UBE2D2: variants seen among roughly 807,000 people sequenced by gnomAD.
UBE2D2 encodes ubiquitin conjugating enzyme E2 D2, also known as ubiquitin-conjugating enzyme E2 D2.
Under a neutral mutation model 24.2 loss-of-function variants are expected in UBE2D2, and 2 were observed. The observed-to-expected ratio is 0.08, with a 90% CI of 0.03 to 0.26. The LOEUF is 0.26. UBE2D2 is among the 10% of genes least tolerant of loss of function. The probability of loss-of-function intolerance (pLI) is 1.00; values close to 1 mark genes in which losing one functional copy is unlikely to be tolerated. For synonymous variants in UBE2D2, 58 were observed against 56.5 expected (o/e 1.03, Z -0.12); for missense variants, 44 against 177.6 (o/e 0.25, Z 4.28).
chr5:139,619,273 A>G (rs1213810565), intron 5 of UBE2D2, among the ~76,000 whole-genome samples: 1 of 151,900 alleles, frequency 6.6e-6, no homozygotes, highest in Non-Finnish European at 1.5e-5. Flanking sequence ...GTGTGTGTCT[A>G]TAGTCCCAAC....
At chr5:139,606,630 C>G (rs888112577) in intron 2 of UBE2D2, among the ~76,000 whole-genome samples, 9 of 152,098 alleles carry the variant, frequency 5.9e-5, no homozygotes, top group Non-Finnish European at 1.3e-4. Context: ...TTGTTTTTTA[C>G]TATCAAAACT....
At chr5:139,580,344 C>T (rs1325710024) in intron 1 of UBE2D2, among the ~76,000 whole-genome samples, 4 of 152,100 alleles carry the variant, frequency 2.6e-5, no homozygotes, top group Non-Finnish European at 5.9e-5. Context: ...AGATTACAGT[C>T]GTGAGTCACC....
intron 1 of UBE2D2, among the ~76,000 whole-genome samples, chr5:139,597,902 CTTTA>C (rs1295747266): frequency 3.3e-5 from 5 of 152,050 alleles, no homozygotes; most frequent in East Asian, 1.9e-4. Flanking sequence ...TTTATTCAAA[CTTTA>C]TTTCTTTTTT....
chr5:139,561,996 C>G (rs1016936145), intron 1 of UBE2D2, 181 bp downstream of exon 1: 6 of 964,744 alleles, frequency 6.2e-6, no homozygotes, highest in Middle Eastern at 3.3e-4. Context: ...GGCGCGCAGC[C>G]CGCGCTTAGG....
chr5:139,626,378 G>C (rs759052432), intron 6 of UBE2D2, among the ~76,000 whole-genome samples: 6 of 152,108 alleles, frequency 3.9e-5, no homozygotes, highest in Non-Finnish European at 8.8e-5. Context: ...CCTTCTGTCG[G>C]TTTAATCATT....
chr5:139,625,610 A>AT (rs113144360), intron 6 of UBE2D2, among the ~76,000 whole-genome samples: 9,534 of 141,430 alleles, frequency 0.067, 351 homozygotes, highest in South Asian at 0.11. Flanking sequence ...CATCCAGCTA[A>AT]TTTTTTTTTT....
intron 1 of UBE2D2, among the ~76,000 whole-genome samples, chr5:139,580,296 C>T (rs761017253): frequency 6.6e-6 from 1 of 151,978 alleles, no homozygotes; most frequent in African/African-American, 2.4e-5. Context: ...AACTCCCGGG[C>T]TCAAGTGTTA....
rs376318192 is a variant in UBE2D2, at chr5:139,585,195, C to T, written c.25-15177C>T. Among the ~76,000 whole-genome samples the T allele has an allele frequency of 8.6e-5, 13 of 150,598 alleles. No homozygotes were observed. The East Asian group carries it at 1.4e-3, about 16-fold the overall frequency. ...GATTACAGGTGTGAGCCACGGTGCC[C>T]GGCTGCGTGCAGGTCTTTTTTTTTT... is the stretch of plus-strand genomic sequence containing the variant. On this transcript the variant is annotated intron_variant, in intron 1 of 6. Coordinates refer to ENST00000398733, the MANE Select transcript of UBE2D2 (RefSeq NM_003339.3).
At chr5:139,538,791 T>G (rs1301616743) in intron 1 of UBE2D2, among the ~76,000 whole-genome samples, 2 of 151,876 alleles carry the variant, frequency 1.3e-5, no homozygotes, top group Non-Finnish European at 2.9e-5. Context: ...GAGAATCATT[T>G]GAACCCAGGA....
chr5:139,537,302 G>A (rs1752696412), intron 1 of UBE2D2, among the ~76,000 whole-genome samples: 1 of 151,920 alleles, frequency 6.6e-6, no homozygotes, highest in African/African-American at 2.4e-5. Context: ...GAAGCGGAAT[G>A]TAAACAGGGT....
intron 2 of UBE2D2, among the ~76,000 whole-genome samples, chr5:139,611,203 T>TTTTG (rs1754312167): frequency 1.0e-5 from 1 of 99,388 alleles, no homozygotes; most frequent in African/African-American, 3.7e-5. Flanking sequence ...TTTTTTTTTT[T>TTTTG]GAGATGGAGT....
At chr5:139,549,228 G>C (rs1312431973) in intron 1 of UBE2D2, among the ~76,000 whole-genome samples, 2 of 152,280 alleles carry the variant, frequency 1.3e-5, no homozygotes, top group East Asian at 3.9e-4. Context: ...CTCGGCCTCG[G>C]CGTCCACTCT....
chr5:139,579,584 C>T (rs1753550613), intron 1 of UBE2D2, among the ~76,000 whole-genome samples: 1 of 152,134 alleles, frequency 6.6e-6, no homozygotes, highest in Non-Finnish European at 1.5e-5. Flanking sequence ...ACAACTGTGT[C>T]CAGCCTCAGC....
chr5:139,620,820 G>A (rs1754499913), intron 5 of UBE2D2, among the ~76,000 whole-genome samples: 2 of 152,226 alleles, frequency 1.3e-5, no homozygotes, highest in South Asian at 4.1e-4. Flanking sequence ...ACCTATTAGA[G>A]AAAAGAAAGA....
chr5:139,568,066 G>A (rs1382536521), intron 1 of UBE2D2, among the ~76,000 whole-genome samples: 3 of 152,192 alleles, frequency 2.0e-5, no homozygotes, highest in Non-Finnish European at 4.4e-5. Flanking sequence ...CTTAGGCTGG[G>A]TGCGGTGGCT....
intron 1 of UBE2D2, among the ~76,000 whole-genome samples, chr5:139,585,259 T>C (rs1310508863): frequency 6.6e-6 from 1 of 150,406 alleles, no homozygotes; most frequent in Non-Finnish European, 1.5e-5. Context: ...CCCAAGATGG[T>C]TGGAGTACAG....
chr5:139,600,449 A>G lies in UBE2D2; in HGVS notation c.88+14A>G. On this transcript the variant is annotated intron_variant, in intron 2 of 6. Coordinates refer to ENST00000398733, the MANE Select transcript of UBE2D2 (RefSeq NM_003339.3). ...TTGGAGATGATAGTAAGTATTTAAA[A>G]GGAATAATGGAGTAATAGCATAACA... The G allele has an allele frequency of 6.2e-7, 1 of 1,613,454 alleles. No homozygotes were observed. The highest frequency in any genetic ancestry group is 8.5e-7 in the Non-Finnish European group (1 of 1,179,516).
At chr5:139,565,223 T>A (rs1297454503) in intron 1 of UBE2D2, among the ~76,000 whole-genome samples, 1 of 152,258 alleles carries the variant, frequency 6.6e-6, no homozygotes, top group African/African-American at 2.4e-5. Flanking sequence ...CTTGTTTCTT[T>A]GACAGAGGGA....
At chr5:139,613,614 C>G (rs1401794197) in intron 2 of UBE2D2, among the ~76,000 whole-genome samples, 1 of 151,732 alleles carries the variant, frequency 6.6e-6, no homozygotes, top group Non-Finnish European at 1.5e-5. Context: ...CTCTTTTTTC[C>G]TCTTTAACTT....
Sources: gnomAD v4.1 joint callset for allele counts (sites outside exome capture counted in the v4.1 genomes callset) on GRCh38, gnomAD v4.1.1 for gene constraint, MANE v1.5 for transcripts, NCBI Gene and HGNC (gene_info 2026-07-23, HGNC 2026-07-21) for gene names.